PDE10A: variants seen among roughly 807,000 people sequenced by gnomAD.
PDE10A encodes the protein cAMP and cAMP-inhibited cGMP 3',5'-cyclic phosphodiesterase 10A.
A neutral mutation model predicts 97.7 loss-of-function variants in PDE10A; 39 were observed. That is an observed-to-expected ratio of 0.40 (90% CI 0.31 to 0.52). The LOEUF is 0.52. Ranked by LOEUF, PDE10A falls within the 20% of genes least tolerant of loss-of-function variation. PDE10A has a pLI of 0.56. For missense variants in PDE10A, 731 were observed against 1,047.8 expected (o/e 0.70, Z 4.17); for synonymous variants, 371 against 376.8 (o/e 0.98, Z 0.18).
chr6:165,481,253 C>T lies in PDE10A; in HGVS notation c.1023+1062G>A, dbSNP rs534148352. ...TCCACCCCTCTGTCACTTCCTGGTA[C>T]CTTTTAAGCGTCCAGACCAAGGAAC... On this transcript the variant is annotated intron_variant, in intron 3 of 21. Transcript: ENST00000539869. 3.9e-5 allele frequency among the ~76,000 whole-genome samples: 6 copies of T among 152,260 alleles called. No homozygotes were observed. The East Asian group carries it at 1.2e-3, about 29-fold the overall frequency.
chr6:165,822,313 TGGC>T (rs1779597880), intron 1 of PDE10A, among the ~76,000 whole-genome samples: 1 of 95,970 alleles, frequency 1.0e-5, no homozygotes, highest in African/African-American at 4.1e-5. Context: ...CACACCTGGA[TGGC>T]ACAGTCCACC....
At chr6:165,657,221 A>G (rs1443646700) in intron 1 of PDE10A, among the ~76,000 whole-genome samples, 1 of 152,218 alleles carries the variant, frequency 6.6e-6, no homozygotes, top group Non-Finnish European at 1.5e-5. Context: ...AGATAATTTC[A>G]GCAAGTGGTG....
At chr6:165,769,580 C>T (rs922706513) in intron 1 of PDE10A, among the ~76,000 whole-genome samples, 2 of 152,132 alleles carry the variant, frequency 1.3e-5, no homozygotes, top group South Asian at 2.1e-4. Context: ...CTGCCAAGCA[C>T]GGAACTAAAA....
intron 2 of PDE10A, among the ~76,000 whole-genome samples, chr6:165,530,691 T>C (rs1231921174): frequency 6.6e-6 from 1 of 152,158 alleles, no homozygotes; most frequent in Non-Finnish European, 1.5e-5. Flanking sequence ...TCCACAAACG[T>C]AATATAGATA....
chr6:165,891,302 C>G (rs1260978629), intron 1 of PDE10A, among the ~76,000 whole-genome samples: 1 of 152,200 alleles, frequency 6.6e-6, no homozygotes, highest in African/African-American at 2.4e-5. Context: ...TGATAAGCTT[C>G]AGAAGTGGAT....
chr6:165,617,246 G>A (rs1787766899), intron 1 of PDE10A, among the ~76,000 whole-genome samples: 1 of 152,138 alleles, frequency 6.6e-6, no homozygotes. Flanking sequence ...CCCTTGCAAA[G>A]GCCACATACC....
In PDE10A at chr6:165,427,274, T is replaced by C. The variant is rs1789234707; in HGVS notation, c.1653+1384A>G. Among the ~76,000 whole-genome samples, 3 of 152,264 alleles carry C rather than the reference T, an allele frequency of 2.0e-5. No homozygotes were observed. In the South Asian group the frequency reaches 6.2e-4, roughly 32 times the overall value. Reference sequence around the variant, plus strand: ...TGGTACGTATATCCACAAAATGGAATATTATTTGGTCATAAAAATGAATGA... The same window carrying C: ...TGGTACGTATATCCACAAAATGGAACATTATTTGGTCATAAAAATGAATGA... On this transcript the variant is annotated intron_variant, in intron 10 of 21. Transcript: ENST00000539869.
At chr6:165,402,888 T>C (rs1201706987) in intron 13 of PDE10A, among the ~76,000 whole-genome samples, 1 of 152,200 alleles carries the variant, frequency 6.6e-6, no homozygotes, top group Admixed American at 6.5e-5. Flanking sequence ...TAGAAATGAC[T>C]GTGTCTATGA....
At chr6:165,628,050 T>C (rs1788466105) in intron 1 of PDE10A, among the ~76,000 whole-genome samples, 1 of 152,238 alleles carries the variant, frequency 6.6e-6, no homozygotes, top group African/African-American at 2.4e-5. Context: ...AAAATGCCTG[T>C]GAATTATAGT....
intron 1 of PDE10A, among the ~76,000 whole-genome samples, chr6:165,613,712 A>G (rs565247277): frequency 6.6e-6 from 1 of 152,318 alleles, no homozygotes; most frequent in African/African-American, 2.4e-5. Context: ...GTCAATATGT[A>G]GCACTGAATT....
intron 16 of PDE10A, among the ~76,000 whole-genome samples, chr6:165,391,715 A>C (rs1023713496): frequency 2.0e-5 from 3 of 152,228 alleles, no homozygotes; most frequent in African/African-American, 7.2e-5. Flanking sequence ...ATTCTTTCTT[A>C]AAATGCTACT....
At chr6:165,574,605 G>A (rs898585562) in intron 1 of PDE10A, among the ~76,000 whole-genome samples, 1 of 152,154 alleles carries the variant, frequency 6.6e-6, no homozygotes, top group African/African-American at 2.4e-5. Context: ...CTTGCTACTT[G>A]AAAACTAATC....
At chr6:165,945,336 GC>G (rs1265257018) in intron 1 of PDE10A, among the ~76,000 whole-genome samples, 1 of 152,188 alleles carries the variant, frequency 6.6e-6, no homozygotes, top group African/African-American at 2.4e-5. Flanking sequence ...CAGCCACACA[GC>G]TAAGCTACTC....
chr6:165,864,221 T>G (rs1583206817), intron 1 of PDE10A, among the ~76,000 whole-genome samples: 1 of 152,206 alleles, frequency 6.6e-6, no homozygotes. Flanking sequence ...TATAAAACTT[T>G]AAAGAATTAT....
At chr6:165,610,834 T>C (rs118059835) in intron 1 of PDE10A, among the ~76,000 whole-genome samples, 2,193 of 152,170 alleles carry the variant, frequency 0.014, 32 homozygotes, top group Non-Finnish European at 0.023. Flanking sequence ...GAATCAGAAA[T>C]CTTTTTCTGG....
At chr6:165,552,734 G>C (rs1395891578) in intron 1 of PDE10A, among the ~76,000 whole-genome samples, 1 of 152,142 alleles carries the variant, frequency 6.6e-6, no homozygotes, top group Non-Finnish European at 1.5e-5. Context: ...ATCAAGCATA[G>C]CCTTGAGTAC....
At chr6:165,693,608 T>C (rs1354304236) in intron 1 of PDE10A, among the ~76,000 whole-genome samples, 3 of 151,678 alleles carry the variant, frequency 2.0e-5, no homozygotes, top group Non-Finnish European at 2.9e-5. Context: ...ATTCTCCATG[T>C]TATCATCATG....
At chr6:165,658,014 A>G (rs3008056) in intron 1 of PDE10A, among the ~76,000 whole-genome samples, 14,097 of 152,192 alleles carry the variant, frequency 0.093, 690 homozygotes, top group Non-Finnish European at 0.11. Context: ...CACTCAGTAG[A>G]TACTCAACAA....
At chr6:165,728,965 T>C (rs920092900) in intron 1 of PDE10A, among the ~76,000 whole-genome samples, 1 of 152,076 alleles carries the variant, frequency 6.6e-6, no homozygotes, top group South Asian at 2.1e-4. Context: ...TAGGAGGCCA[T>C]GGAGGGAGGA....
Sources: gnomAD v4.1 joint callset for allele counts (sites outside exome capture counted in the v4.1 genomes callset) on GRCh38, gnomAD v4.1.1 for gene constraint, MANE v1.5 for transcripts, NCBI Gene and HGNC (gene_info 2026-07-23, HGNC 2026-07-21) for gene names.